Variants in PTP4A1 observed in about 807,000 individuals in gnomAD.
The protein encoded by PTP4A1 is protein tyrosine phosphatase 4A1, also known as protein tyrosine phosphatase type IVA 1.
Under a neutral mutation model 20.5 loss-of-function variants are expected in PTP4A1, and 9 were observed. The observed-to-expected ratio is 0.44, with a 90% CI of 0.26 to 0.77. The LOEUF (loss-of-function observed/expected upper bound fraction) is 0.77, where lower values mean the gene tolerates loss of function less well. Ranked by LOEUF, PTP4A1 falls within the 30% of genes least tolerant of loss-of-function variation. The pLI, the probability that PTP4A1 is intolerant of heterozygous loss-of-function variation, is 0.19. For missense variants in PTP4A1, 137 were observed against 218.8 expected, an observed-to-expected ratio of 0.63 and a Z score of 2.36; for synonymous variants, 78 against 67.4, an observed-to-expected ratio of 1.16 and a Z score of -0.77.
In PTP4A1 at chr6:63,576,735, T is replaced by C; in HGVS notation, c.-146T>C. On this transcript the variant is annotated 5_prime_UTR_variant, in exon 2 of 6. Coordinates refer to ENST00000626021, the MANE Select transcript of PTP4A1 (RefSeq NM_003463.5). ...TTCTTGTTAGGAGGTTCATTTCACT[T>C]ATCATTACTTACAACTTCATACTCA... 1.5e-6 allele frequency: 1 copy of C among 654,990 alleles called. No homozygotes were observed. 40.6% of individuals were successfully genotyped at this position (654,990 alleles called of 1,614,324 possible).
At chr6:63,549,120 G>A in intron 2 of PTP4A1, 1 of 696,076 alleles carries the variant, frequency 1.4e-6, no homozygotes, top group Non-Finnish European at 2.6e-6. Context: ...TGGTCTCTTA[G>A]TGGGGATGCC....
Position 63,581,075 on chromosome 6 carries a change from T to C in PTP4A1, c.*901T>C, listed in dbSNP as rs1272678673. 3 of 152,164 alleles carry C rather than the reference T, an allele frequency of 2.0e-5. No homozygotes were observed. The highest frequency in any genetic ancestry group is 4.4e-5 in the Non-Finnish European group (3 of 67,988). The allele number at this position is 152,164 out of a possible 1,614,324, so 9.4% of individuals were successfully genotyped here. ...TATTGTAATCATAAACTTCCTGAAATTCTTGTAATTTTTTTCCCATACTTA... is the reference window on the plus strand; with the variant it reads ...TATTGTAATCATAAACTTCCTGAAACTCTTGTAATTTTTTTCCCATACTTA... On this transcript the variant is annotated 3_prime_UTR_variant, in exon 6 of 6. Transcript: ENST00000626021.
chr6:63,578,608 C>G, intron 3 of PTP4A1, 79 bp downstream of exon 3: 1 of 1,509,102 alleles, frequency 6.6e-7, no homozygotes, highest in Non-Finnish European at 8.8e-7. Flanking sequence ...AAATAAATAT[C>G]TATTTAAGTC....
intron 3 of PTP4A1, among the ~76,000 whole-genome samples, chr6:63,559,638 A>G (rs962010357): frequency 1.3e-5 from 2 of 151,938 alleles, no homozygotes; most frequent in African/African-American, 4.8e-5. Flanking sequence ...CCAGCTACTC[A>G]GGAGGCTGAG....
chr6:63,532,359 G>A (rs1189364602), intron 2 of PTP4A1, among the ~76,000 whole-genome samples: 1 of 151,880 alleles, frequency 6.6e-6, no homozygotes, highest in Non-Finnish European at 1.5e-5. Flanking sequence ...TTAGCTTCTG[G>A]ATTCATACCT....
chr6:63,577,286 A>G (rs1777931552), intron 2 of PTP4A1, among the ~76,000 whole-genome samples: 1 of 152,122 alleles, frequency 6.6e-6, no homozygotes, highest in African/African-American at 2.4e-5. Context: ...CCATTTATGG[A>G]TTTTTTATAT....
rs1187188576 is a variant in PTP4A1 at position 63,576,690 on chromosome 6, C to T, written c.-191C>T. 5.0e-6 allele frequency: 3 copies of T among 603,244 alleles called. No individual in the cohort carries two copies. Among genetic ancestry groups the T allele is most frequent in the East Asian group, 2.8e-5 (1 of 35,656 alleles). 37.4% of individuals were successfully genotyped at this position (603,244 alleles called of 1,614,324 possible). ...TTCTTTTCTGTTGGCCTCAGTATTACTGGATTGAAGAATTGCTGCTTCTTG... is the reference window on the plus strand; with the variant it reads ...TTCTTTTCTGTTGGCCTCAGTATTATTGGATTGAAGAATTGCTGCTTCTTG... On this transcript the variant is annotated 5_prime_UTR_variant, in exon 2 of 6. Coordinates refer to ENST00000626021, the MANE Select transcript of PTP4A1 (RefSeq NM_003463.5).
chr6:63,575,504 A>T (rs537873053), intron 1 of PTP4A1, among the ~76,000 whole-genome samples: 1 of 152,332 alleles, frequency 6.6e-6, no homozygotes, highest in East Asian at 1.9e-4. Flanking sequence ...ACTTAGAGAA[A>T]ATATAAATAC....
Position 63,526,828 on chromosome 6 carries a change from TA to T in PTP4A1, c.-905-990del, listed in dbSNP as rs1441019932. On this transcript the variant is annotated intron_variant, in intron 1 of 3. Transcript: ENST00000639568. The stretch of plus-strand genomic sequence containing the variant: ...GTATATATATATATATATATATATA[TA>T]TATATATTTATTTATTTATTCTTCT... Among the ~76,000 whole-genome samples, 226 of 143,542 alleles carry T rather than the reference TA, an allele frequency of 1.6e-3. 2 individuals carry two copies. The highest frequency in any genetic ancestry group is 4.2e-3 in the African/African-American group (161 of 38,350). 94.2% of individuals were successfully genotyped at this position (143,542 alleles called of 152,430 possible). A position where few individuals can be genotyped will look rare whatever the true frequency, so the allele number is the denominator to read the frequency against.
intron 2 of PTP4A1, among the ~76,000 whole-genome samples, chr6:63,539,781 T>C (rs373463541): frequency 6.8e-6 from 1 of 146,960 alleles, no homozygotes; most frequent in Non-Finnish European, 1.5e-5. Context: ...AAAAAAAAAA[T>C]TGGCAAAGGA....
chr6:63,561,616 A>G (rs1776953083), intron 3 of PTP4A1, among the ~76,000 whole-genome samples: 1 of 152,172 alleles, frequency 6.6e-6, no homozygotes. Flanking sequence ...ATCACAACCC[A>G]GGTGACTTAG....
chr6:63,533,912 C>T (rs917289229), intron 2 of PTP4A1, among the ~76,000 whole-genome samples: 6 of 150,840 alleles, frequency 4.0e-5, no homozygotes, highest in African/African-American at 9.8e-5. Flanking sequence ...GGTGTGATCT[C>T]GGCTCATTAC....
upstream of PTP4A1, chr6:63,571,821 T>C (rs941437506): frequency 1.3e-5 from 2 of 152,282 alleles, no homozygotes; most frequent in East Asian, 3.9e-4. Context: ...CCCCATCTTC[T>C]ATAGCCTTAA....
At chr6:63,562,502 T>C (rs1777008362) in intron 3 of PTP4A1, among the ~76,000 whole-genome samples, 1 of 152,206 alleles carries the variant, frequency 6.6e-6, no homozygotes, top group Non-Finnish European at 1.5e-5. Context: ...ACTGGCAAGA[T>C]ACTTTTAATA....
chr6:63,523,218 C>T (rs1775011965), intron 1 of PTP4A1, among the ~76,000 whole-genome samples: 1 of 152,014 alleles, frequency 6.6e-6, no homozygotes, highest in Admixed American at 6.6e-5. Context: ...TCAAAAACAA[C>T]TATAAAGTAA....
chr6:63,574,524 T>G (rs2149511659), intron 1 of PTP4A1, among the ~76,000 whole-genome samples: 1 of 152,220 alleles, frequency 6.6e-6, no homozygotes, highest in South Asian at 2.1e-4. Flanking sequence ...AAATAACCAT[T>G]TCAGGAAGGG....
chr6:63,530,617 T>C (rs1473234614), intron 2 of PTP4A1, among the ~76,000 whole-genome samples: 1 of 152,124 alleles, frequency 6.6e-6, no homozygotes, highest in Non-Finnish European at 1.5e-5. Flanking sequence ...ACTAGGGTCA[T>C]AGGGAATAAT....
chr6:63,543,493 T>C (rs1776064952), intron 2 of PTP4A1, among the ~76,000 whole-genome samples: 1 of 152,226 alleles, frequency 6.6e-6, no homozygotes, highest in African/African-American at 2.4e-5. Context: ...CACCATTTTG[T>C]CTTGTACTGA....
intron 1 of PTP4A1, among the ~76,000 whole-genome samples, chr6:63,522,499 C>T (rs1053041071): frequency 1.3e-5 from 2 of 152,144 alleles, no homozygotes; most frequent in Non-Finnish European, 2.9e-5. Flanking sequence ...AGACTGTATC[C>T]ATGACAAGCT....
Sources: gnomAD v4.1 joint callset for allele counts (sites outside exome capture counted in the v4.1 genomes callset) on GRCh38, gnomAD v4.1.1 for gene constraint, MANE v1.5 for transcripts, NCBI Gene and HGNC (gene_info 2026-07-23, HGNC 2026-07-21) for gene names.